Variants in PRR14L observed in about 807,000 individuals in gnomAD.
PRR14L encodes proline rich 14 like, also known as protein PRR14L.
Under a neutral mutation model 155.0 loss-of-function variants are expected in PRR14L, and 80 were observed. The ratio of observed to expected loss-of-function variants is 0.52; its 90% CI spans 0.43 to 0.62. The LOEUF (loss-of-function observed/expected upper bound fraction) is 0.62. Among genes scored for constraint, PRR14L ranks in the 20% least tolerant of loss-of-function variants. The pLI is 0.00. For synonymous variants in PRR14L, 883 were observed against 916.0 expected, an observed-to-expected ratio of 0.96 and a Z score of 0.65; for missense variants, 2,469 against 2,548.0, an observed-to-expected ratio of 0.97 and a Z score of 0.67.
chr22:31,703,412 C>T, intron 6 of PRR14L, 138 bp downstream of exon 6: 1 of 748,470 alleles, frequency 1.3e-6, no homozygotes, highest in Non-Finnish European at 2.1e-6. Flanking sequence ...TGGCTTAGTA[C>T]TCTCCAGAAC....
rs2074477003 is a variant in PRR14L at position 31,685,360 on chromosome 22, G to A, written c.*167C>T. ...TCCTTCACCAGTTTCTAAAAAGGTTGCACCTTGAAATAGGTAAAAATTCAT... is the reference window on the plus strand; with the variant it reads ...TCCTTCACCAGTTTCTAAAAAGGTTACACCTTGAAATAGGTAAAAATTCAT... On this transcript the variant is annotated 3_prime_UTR_variant, in exon 9 of 9. Coordinates refer to ENST00000327423, the MANE Select transcript of PRR14L (RefSeq NM_173566.3). 4.9e-6 allele frequency: 3 copies of A among 607,710 alleles called. No homozygotes were observed. The highest frequency in any genetic ancestry group is 8.5e-6 in the Non-Finnish European group (3 of 351,042). The allele number at this position is 607,710 out of a possible 1,614,324, so 37.6% of individuals were successfully genotyped here.
At position 31,714,432 on chromosome 22, in the gene PRR14L, ACGTTTTCTTCACATG is replaced by A. The variant is rs1354836915; in HGVS notation, c.3392_3406del (p.Ser1131_Val1136delinsLeu). ...TTCACAGTCTTTTAAAGATCTGCATACGTTTTCTTCACATGATTTTTTTATTTTGAGAAAGTCCAC... is the reference window on the plus strand; with the variant it reads ...TTCACAGTCTTTTAAAGATCTGCATAATTTTTTTATTTTGAGAAAGTCCAC... On this transcript the variant is annotated inframe_deletion, in exon 4 of 9. Coordinates refer to ENST00000327423, the MANE Select transcript of PRR14L (RefSeq NM_173566.3). 6.4e-7 allele frequency: 1 copy of A among 1,551,636 alleles called. No homozygotes were observed. Among genetic ancestry groups the A allele is most frequent in the Non-Finnish European group, 8.7e-7 (1 of 1,146,974 alleles).
chr22:31,705,885 C>T (rs917139826), intron 4 of PRR14L, among the ~76,000 whole-genome samples: 2 of 151,844 alleles, frequency 1.3e-5, no homozygotes, highest in African/African-American at 4.8e-5. Flanking sequence ...CTTGTAATCC[C>T]AGCTACTCAG....
Position 31,685,544 on chromosome 22 carries a change from G to A in PRR14L, c.6439C>T (p.Gln2147Ter), listed in dbSNP as rs1423707191. Residue 2147 changes from glutamine (Q) to a stop codon, truncating the protein, a stop_gained, in exon 9 of 9, where the codon CAA becomes TAA. Coordinates refer to ENST00000327423, the MANE Select transcript of PRR14L (RefSeq NM_173566.3). LOFTEE classifies it high-confidence loss of function. Reference protein sequence around the residue: ...TFFAKEEEQEQSSGC With the variant: ...TFFAKEEEQE ...ATCGCTTCTCAACAGCCTGATGATT[G>A]TTCCTGCTCCTCTTCCTTGGCAAAG... The A allele has an allele frequency of 6.4e-7, 1 of 1,550,694 alleles. No homozygotes were observed. The highest frequency in any genetic ancestry group is 8.7e-7 in the Non-Finnish European group (1 of 1,146,240).
Position 31,717,165 on chromosome 22 carries a change from G to A in PRR14L, c.674C>T (p.Ser225Leu). ...TTCTTGGAATTCACCGCATCCAGCTGAGAGATCTTTACTCACATTGCCATT... is the reference window on the plus strand; with the variant it reads ...TTCTTGGAATTCACCGCATCCAGCTAAGAGATCTTTACTCACATTGCCATT... ...HKNGNVSKDL[S>L]AGCGEFQEVD... Residue 225 changes from serine to leucine, a missense_variant, in exon 4 of 9, where the codon TCA becomes TTA. Coordinates refer to ENST00000327423, the MANE Select transcript of PRR14L (RefSeq NM_173566.3). The A allele has an allele frequency of 1.3e-6, 2 of 1,552,272 alleles. No individual in the cohort carries two copies. Among genetic ancestry groups the A allele is most frequent in the African/African-American group, 1.4e-5 (1 of 73,156 alleles).
intron 1 of PRR14L, among the ~76,000 whole-genome samples, chr22:31,747,216 T>C (rs2074843440): frequency 6.6e-6 from 1 of 151,788 alleles, no homozygotes. Context: ...GTTCAAGCGA[T>C]TCTCCTGCCT....
chr22:31,688,015 G>C, intron 8 of PRR14L, 141 bp downstream of exon 8: 1 of 776,746 alleles, frequency 1.3e-6, no homozygotes, highest in Non-Finnish European at 1.9e-6. Flanking sequence ...CTGGGCGACA[G>C]AGACTCTGTC....
chr22:31,692,024 C>T lies in PRR14L; in HGVS notation c.6108-3797G>A, dbSNP rs556330351. 2.0e-4 allele frequency among the ~76,000 whole-genome samples: 31 copies of T among 152,218 alleles called. 1 individual carries two copies. The East Asian group carries it at 2.5e-3, about 12-fold the overall frequency. On this transcript the variant is annotated intron_variant, in intron 7 of 8. Transcript: ENST00000327423. ...TTGGGATTACAGGCACGCACCACCACTCCTGGCTAATTTTTGTATTTTTAG... is the reference window on the plus strand; with the variant it reads ...TTGGGATTACAGGCACGCACCACCATTCCTGGCTAATTTTTGTATTTTTAG...
rs1409254112 is a variant in PRR14L at position 31,692,669 on chromosome 22, TCTCA to T, written c.6108-4446_6108-4443del. Among the ~76,000 whole-genome samples, 7 of 152,322 alleles carry T rather than the reference TCTCA, an allele frequency of 4.6e-5. No homozygotes were observed. The South Asian group carries it at 1.4e-3, about 32-fold the overall frequency. ...GAGAGAGTTGGGCAGGGGGAGACAG[TCTCA>T]CTCTCTTGCCCAAACTGGAGATCAG... is the stretch of plus-strand genomic sequence containing the variant. On this transcript the variant is annotated intron_variant, in intron 7 of 8. Coordinates refer to ENST00000327423, the MANE Select transcript of PRR14L (RefSeq NM_173566.3).
intron 7 of PRR14L, among the ~76,000 whole-genome samples, chr22:31,697,301 C>CAAAAAAAA: frequency 1.7e-5 from 1 of 58,608 alleles, no homozygotes. Flanking sequence ...TACTCTGTCT[C>CAAAAAAAA]AAAAAAAAAA....
chr22:31,696,144 TAA>T (rs1378915370), intron 7 of PRR14L, among the ~76,000 whole-genome samples: 3 of 135,870 alleles, frequency 2.2e-5, no homozygotes. Context: ...TTTATTATTA[TAA>T]TTTTTTTTTT....
chr22:31,711,907 C>T (rs542308319), intron 4 of PRR14L, among the ~76,000 whole-genome samples, 176 bp downstream of exon 4: 4 of 151,630 alleles, frequency 2.6e-5, no homozygotes, highest in Non-Finnish European at 5.9e-5. Flanking sequence ...GGGTGGGGGT[C>T]CTATGCTTAA....
In PRR14L at chr22:31,707,935, A is replaced by G. The variant is rs571142886; in HGVS notation, c.5757-3209T>C. ...GAGGCTGGGGCAGGCAGATCACCTG[A>G]GGTCAGGAGTTCAAGGCCAGCCTGA... On this transcript the variant is annotated intron_variant, in intron 4 of 8. Transcript: ENST00000327423. Among the ~76,000 whole-genome samples the G allele has an allele frequency of 1.1e-4, 17 of 152,236 alleles. 1 individual carries two copies. In the South Asian group the frequency reaches 3.3e-3, roughly 30 times the overall value.
intron 2 of PRR14L, among the ~76,000 whole-genome samples, chr22:31,736,091 T>A (rs1461897060): frequency 1.5e-5 from 2 of 134,780 alleles, no homozygotes; most frequent in Non-Finnish European, 3.1e-5. Flanking sequence ...TGGTGGTGCA[T>A]GCCTGTAGTC....
rs1035407414 is a variant in PRR14L at position 31,704,757 on chromosome 22, G to A, written c.5757-31C>T. The A allele has an allele frequency of 3.8e-6, 6 of 1,560,304 alleles. No homozygotes were observed. In the African/African-American group the frequency reaches 4.1e-5, roughly 11 times the overall value. ...GTAAAGCAAAAGTACAAAAGCAATAGGTAAGGGCAGTGGGATAACAGGAAA... is the reference window on the plus strand; with the variant it reads ...GTAAAGCAAAAGTACAAAAGCAATAAGTAAGGGCAGTGGGATAACAGGAAA... On this transcript the variant is annotated intron_variant, in intron 4 of 8. Coordinates refer to ENST00000327423, the MANE Select transcript of PRR14L (RefSeq NM_173566.3).
rs544930877 is a variant in PRR14L, at chr22:31,714,953, G to A, written c.2886C>T (p.Leu962=). The A allele has an allele frequency of 2.4e-5, 37 of 1,551,930 alleles. No individual in the cohort carries two copies. Among genetic ancestry groups the A allele is most frequent in the African/African-American group, 4.1e-5 (3 of 73,128 alleles). The change falls in exon 4 of 9, where the codon CTC becomes CTT. Residue 962 remains leucine (L), a synonymous_variant. Coordinates refer to ENST00000327423, the MANE Select transcript of PRR14L (RefSeq NM_173566.3). ...CAAGGACTTCATCTGCCTTCTGATCGAGTGTTTCAACTGATTTTACATTTT... is the reference window on the plus strand; with the variant it reads ...CAAGGACTTCATCTGCCTTCTGATCAAGTGTTTCAACTGATTTTACATTTT... ...SFKNVKSVET[L]DQKADEVLDC...
chr22:31,742,338 T>C (rs1248468238), intron 1 of PRR14L, among the ~76,000 whole-genome samples: 2 of 151,644 alleles, frequency 1.3e-5, no homozygotes, highest in Non-Finnish European at 2.9e-5. Context: ...TTCTGCAGCC[T>C]CTGTAATGAG....
chr22:31,711,369 G>A (rs1170201881), intron 4 of PRR14L, among the ~76,000 whole-genome samples: 1 of 152,154 alleles, frequency 6.6e-6, no homozygotes, highest in African/African-American at 2.4e-5. Context: ...TACTCGGGAG[G>A]CTAAGGCAGG....
At chr22:31,700,513 A>G (rs2074557703) in intron 7 of PRR14L, among the ~76,000 whole-genome samples, 2 of 152,240 alleles carry the variant, frequency 1.3e-5, no homozygotes, top group Non-Finnish European at 2.9e-5. Context: ...TGTGTGAAGC[A>G]CTATAACGGA....
Sources: gnomAD v4.1 joint callset for allele counts (sites outside exome capture counted in the v4.1 genomes callset) on GRCh38, gnomAD v4.1.1 for gene constraint, MANE v1.5 for transcripts, NCBI Gene and HGNC (gene_info 2026-07-23, HGNC 2026-07-21) for gene names.